Variants in NOP53 observed in about 807,000 individuals in gnomAD.
NOP53 encodes NOP53 ribosome biogenesis factor.
NOP53 carries 40 observed loss-of-function variants against 61.0 expected under a neutral mutation model. The observed-to-expected ratio is 0.66, with a 90% confidence interval of 0.51 to 0.85. NOP53 has a LOEUF of 0.85. Among genes scored for constraint, NOP53 ranks in the 40% least tolerant of loss-of-function variants. The pLI is 0.00. For missense variants in NOP53, 689 were observed against 652.9 expected (o/e 1.06, Z -0.60); for synonymous variants, 308 against 289.5 (o/e 1.06, Z -0.65).
chr19:47,755,524 G>C lies in NOP53; in HGVS notation c.1229+1G>C. 1 of 1,468,670 alleles carries C rather than the reference G, an allele frequency of 6.8e-7. No individual in the cohort carries two copies. 91.0% of individuals were successfully genotyped at this position (1,468,670 alleles called of 1,614,324 possible). A position where few individuals can be genotyped will look rare whatever the true frequency, so the allele number is the denominator to read the frequency against. ...AGCCCCGAAGGCTGGGGCGGCTCAA[G>C]TGAGAACCAGGCCGGGGGTTCTGGG... On this transcript the variant is annotated splice_donor_variant, in intron 9 of 12. Coordinates refer to ENST00000246802, the MANE Select transcript of NOP53 (RefSeq NM_015710.5). LOFTEE classifies it high-confidence loss of function.
chr19:47,746,680 T>G (rs1332447755), intron 1 of NOP53: 1 of 268,458 alleles, frequency 3.7e-6, no homozygotes, highest in Non-Finnish European at 7.2e-6. Flanking sequence ...TTTTTGTATT[T>G]TTAGTAAAGG....
At position 47,756,079 on chromosome 19, in the gene NOP53, T is replaced by C; in HGVS notation, c.1296+257T>C. Reference sequence around the variant, plus strand: ...TTGCAGTCCCGGTCACCTTTAGGACTAGAGGGACCTTCCTGAAGCTCAGAA... The same window carrying C: ...TTGCAGTCCCGGTCACCTTTAGGACCAGAGGGACCTTCCTGAAGCTCAGAA... On this transcript the variant is annotated intron_variant, in intron 10 of 12. Transcript: ENST00000246802. 4 of 554,530 alleles carry C rather than the reference T, an allele frequency of 7.2e-6. No homozygotes were observed. The East Asian group carries it at 1.2e-4, about 17-fold the overall frequency. The allele number at this position is 554,530 out of a possible 1,614,324, so 34.4% of individuals were successfully genotyped here. A position where few individuals can be genotyped will look rare whatever the true frequency, so the allele number is the denominator to read the frequency against.
At chr19:47,746,701 C>T (rs1274728884) in intron 1 of NOP53, 4 of 321,116 alleles carry the variant, frequency 1.2e-5, no homozygotes, top group Non-Finnish European at 2.3e-5. Flanking sequence ...CAGGGTTTCA[C>T]CATGTTGGCC....
rs1967158643 is a variant in NOP53, at chr19:47,754,247, A to T, written c.766-280A>T. The T allele has an allele frequency of 7.0e-6, 3 of 427,528 alleles. No individual in the cohort carries two copies. The highest frequency in any genetic ancestry group is 2.0e-5 in the African/African-American group (1 of 50,132). 26.5% of individuals were successfully genotyped at this position (427,528 alleles called of 1,614,324 possible). ...AGCTGAGATCACACCATTGCACTCC[A>T]GTCTGGGCAACAAGACAGAAACTCT... On this transcript the variant is annotated intron_variant, in intron 6 of 12. Transcript: ENST00000246802. The surrounding 1 kb of genome is among the most constrained non-coding windows in gnomAD (Gnocchi z 4.2).
Position 47,754,697 on chromosome 19 carries a change from C to A in NOP53, c.871-12C>A. On this transcript the variant is annotated splice_polypyrimidine_tract_variant and intron_variant, in intron 7 of 12. Coordinates refer to ENST00000246802, the MANE Select transcript of NOP53 (RefSeq NM_015710.5). The surrounding 1 kb of genome is among the most constrained non-coding windows in gnomAD (Gnocchi z 4.2). ...TCCTACCCACCCCTGACACTGCACC[C>A]CGCCTCCCCAGGAGTCCACATTCCA... is the stretch of plus-strand genomic sequence containing the variant. The A allele has an allele frequency of 6.5e-7, 1 of 1,536,406 alleles. No homozygotes were observed. Among genetic ancestry groups the A allele is most frequent in the East Asian group, 2.5e-5 (1 of 40,782 alleles).
chr19:47,751,923 G>A (rs1261319886), intron 5 of NOP53, among the ~76,000 whole-genome samples: 1 of 148,080 alleles, frequency 6.8e-6, no homozygotes, highest in Non-Finnish European at 1.5e-5. Context: ...CCAACGTGGT[G>A]AAACCCTGTC....
chr19:47,756,903 G>T, intron 12 of NOP53, 96 bp from the exon 13 acceptor site: 1 of 1,563,858 alleles, frequency 6.4e-7, no homozygotes, highest in Non-Finnish European at 8.8e-7. Context: ...GGTTGGGAGG[G>T]TCCCCAAAGG....
chr19:47,755,176 G>T (rs1011598928), intron 8 of NOP53, among the ~76,000 whole-genome samples, 172 bp from the exon 9 acceptor site: 4 of 152,270 alleles, frequency 2.6e-5, no homozygotes, highest in African/African-American at 9.6e-5. Context: ...TGACAAAAGG[G>T]GCTTCAGCAA....
At position 47,754,150 on chromosome 19, in the gene NOP53, G is replaced by T. The variant is rs2123677105; in HGVS notation, c.766-377G>T. ...GAATTAGCCGGGTATGGTGGCACAT[G>T]CCTGTAATAGTAGCTACTCGGGAGG... On this transcript the variant is annotated intron_variant, in intron 6 of 12. Transcript: ENST00000246802. The surrounding 1 kb of genome is among the most constrained non-coding windows in gnomAD (Gnocchi z 4.2). 4 of 194,518 alleles carry T rather than the reference G, an allele frequency of 2.1e-5. No individual in the cohort carries two copies. In the South Asian group the frequency reaches 5.1e-4, roughly 25 times the overall value. 12.0% of individuals were successfully genotyped at this position (194,518 alleles called of 1,614,324 possible). A position where few individuals can be genotyped will look rare whatever the true frequency, so the allele number is the denominator to read the frequency against.
chr19:47,756,070 C>T (rs2123679913), intron 10 of NOP53: 1 of 571,454 alleles, frequency 1.7e-6, no homozygotes, highest in Non-Finnish European at 3.1e-6. Context: ...TCCCGGTCAC[C>T]TTTAGGACTA....
rs769217538 is a variant in NOP53, at chr19:47,755,538, G to C, written c.1229+15G>C. The C allele has an allele frequency of 6.8e-7, 1 of 1,463,144 alleles. No homozygotes were observed. Among genetic ancestry groups the C allele is most frequent in the East Asian group, 2.5e-5 (1 of 39,846 alleles). 90.6% of individuals were successfully genotyped at this position (1,463,144 alleles called of 1,614,324 possible). On this transcript the variant is annotated intron_variant, in intron 9 of 12. Coordinates refer to ENST00000246802, the MANE Select transcript of NOP53 (RefSeq NM_015710.5). ...GGGCGGCTCAAGTGAGAACCAGGCC[G>C]GGGGTTCTGGGAGAGGCTGGGGAGG...
chr19:47,751,765 G>T (rs555955019), intron 5 of NOP53, among the ~76,000 whole-genome samples, 175 bp downstream of exon 5: 58 of 152,126 alleles, frequency 3.8e-4, no homozygotes, highest in Admixed American at 1.0e-3. Context: ...GACTGATCCT[G>T]GGAAGGTGGT....
chr19:47,754,073 T>G lies in NOP53; in HGVS notation c.766-454T>G. On this transcript the variant is annotated intron_variant, in intron 6 of 12. Transcript: ENST00000246802. This position sits in a 1 kb window ranked among gnomAD's most constrained non-coding sequence, Gnocchi z 4.2. ...TAGGTGGACCACCTGAGGTCAGGAG[T>G]TCAAGACCAGCCTGACCAACATGGA... The G allele has an allele frequency of 6.5e-6, 1 of 154,920 alleles. No homozygotes were observed. The highest frequency in any genetic ancestry group is 1.4e-5 in the Non-Finnish European group (1 of 69,954). 9.6% of individuals were successfully genotyped at this position (154,920 alleles called of 1,614,324 possible). A position where few individuals can be genotyped will look rare whatever the true frequency, so the allele number is the denominator to read the frequency against.
chr19:47,752,726 A>G (rs1030802940), intron 6 of NOP53, 119 bp downstream of exon 6: 1 of 675,176 alleles, frequency 1.5e-6, no homozygotes, highest in South Asian at 1.6e-5. Context: ...GCCTGTCCGC[A>G]ACGGGGCTCA....
chr19:47,750,827 G>C (rs915503407), intron 3 of NOP53, 81 bp from the exon 4 acceptor site: 1 of 1,215,626 alleles, frequency 8.2e-7, no homozygotes, highest in Non-Finnish European at 1.2e-6. Context: ...AATGGTGGAG[G>C]AAGCCCGACG....
At chr19:47,755,922 T>C in intron 10 of NOP53, 100 bp downstream of exon 10, 1 of 1,007,800 alleles carries the variant, frequency 9.9e-7, no homozygotes, top group Non-Finnish European at 1.5e-6. Flanking sequence ...TGGCTGCCCC[T>C]GGGCTGGGCC....
At chr19:47,746,932 A>G (rs1179591404) in intron 1 of NOP53, 35 bp from the exon 2 acceptor site, 18 of 1,580,220 alleles carry the variant, frequency 1.1e-5, no homozygotes, top group Admixed American at 1.7e-5. Flanking sequence ...CCTCTCCAAC[A>G]TCTCTGGCTG....
intron 2 of NOP53, among the ~76,000 whole-genome samples, chr19:47,749,758 T>C (rs374852887): frequency 6.6e-5 from 10 of 151,804 alleles, no homozygotes; most frequent in East Asian, 1.9e-4. Context: ...CTTTTTTTTT[T>C]CCCCCTGAGA....
chr19:47,755,128 G>A (rs868761192), intron 8 of NOP53, among the ~76,000 whole-genome samples: 19 of 151,796 alleles, frequency 1.3e-4, no homozygotes, highest in African/African-American at 3.6e-4. Flanking sequence ...GGGGCGGGGT[G>A]GGGGGAGGTT....
Sources: gnomAD v4.1 joint callset for allele counts (sites outside exome capture counted in the v4.1 genomes callset) on GRCh38, gnomAD v4.1.1 for gene constraint, Gnocchi (gnomAD v3.1) non-coding constraint, MANE v1.5 for transcripts, NCBI Gene and HGNC (gene_info 2026-07-23, HGNC 2026-07-21) for gene names.